Variants in ASPM observed in about 807,000 individuals in gnomAD.
The protein encoded by ASPM is assembly factor for spindle microtubules, also known as abnormal spindle-like microcephaly-associated protein.
A neutral mutation model predicts 366.4 loss-of-function variants in ASPM; 256 were observed. That is an observed-to-expected ratio of 0.70 (90% CI 0.63 to 0.77). The LOEUF is 0.77. Among genes scored for constraint, ASPM ranks in the 30% least tolerant of loss-of-function variants. ASPM has a pLI of 0.00. For missense variants in ASPM, 4,146 were observed against 4,090.4 expected (o/e 1.01, Z -0.37); for synonymous variants, 1,414 against 1,342.9 (o/e 1.05, Z -1.16).
chr1:197,122,979 A>T (rs1366405328), intron 13 of ASPM, among the ~76,000 whole-genome samples: 1 of 152,196 alleles, frequency 6.6e-6, no homozygotes, highest in East Asian at 1.9e-4. Context: ...GAGGAGAAAT[A>T]TAAGGTTAGT....
At chr1:197,117,491 A>G (rs1248189109) in intron 17 of ASPM, among the ~76,000 whole-genome samples, 2 of 152,174 alleles carry the variant, frequency 1.3e-5, no homozygotes, top group African/African-American at 4.8e-5. Flanking sequence ...ATGTGGATCT[A>G]CAAAGTAGAA....
At chr1:197,105,992 TGA>T (rs1657397362) in intron 17 of ASPM, among the ~76,000 whole-genome samples, 1 of 151,958 alleles carries the variant, frequency 6.6e-6, no homozygotes, top group Non-Finnish European at 1.5e-5. Context: ...CAAACATTGC[TGA>T]GATTGGGGGT....
chr1:197,100,391 A>G (rs78320338), intron 18 of ASPM, 40 bp downstream of exon 18: 628 of 1,292,942 alleles, frequency 4.9e-4, no homozygotes, highest in Admixed American at 7.4e-4. Context: ...GGTCAAAAGA[A>G]AGACTCACAG....
At chr1:197,140,466 T>C (rs1658546463) in intron 3 of ASPM, among the ~76,000 whole-genome samples, 1 of 152,246 alleles carries the variant, frequency 6.6e-6, no homozygotes, top group South Asian at 2.1e-4. Flanking sequence ...ATAATCTTTT[T>C]CTCACACAGT....
intron 17 of ASPM, among the ~76,000 whole-genome samples, chr1:197,114,392 C>T (rs1407822506): frequency 6.6e-6 from 1 of 152,070 alleles, no homozygotes; most frequent in Admixed American, 6.6e-5. Flanking sequence ...AAAAATAAGA[C>T]AACAATGAAG....
chr1:197,135,740 C>CA (rs1245355993), intron 4 of ASPM, among the ~76,000 whole-genome samples: 2 of 150,688 alleles, frequency 1.3e-5, no homozygotes, highest in African/African-American at 2.4e-5. Context: ...TGCTTGAGGC[C>CA]AGGGGTTTGT....
intron 17 of ASPM, among the ~76,000 whole-genome samples, chr1:197,117,000 T>C (rs10922168): frequency 0.18 from 26,871 of 152,092 alleles, 3,873 homozygotes; most frequent in East Asian, 0.7. Context: ...TGGTTTTACA[T>C]TGGCATTTAT....
Position 197,143,594 on chromosome 1 carries a change from G to T in ASPM, c.658C>A (p.Pro220Thr). The change falls in exon 3 of 28, where the codon CCC becomes ACC. Residue 220 changes from proline to threonine, a missense_variant. Physicochemically the swap from Pro to Thr is conservative, Grantham distance 38 (BLOSUM62 -1). Transcript: ENST00000367409. ...NSLILEENKI[P>T]ISPISPAFNE... ...AAAGCAGGGCTAATAGGTGATATGG[G>T]TATTTTATTTTCTTCAAGTATTAAA... The T allele has an allele frequency of 1.2e-6, 2 of 1,613,056 alleles. No individual in the cohort carries two copies. Among genetic ancestry groups the T allele is most frequent in the Non-Finnish European group, 1.7e-6 (2 of 1,179,874 alleles).
intron 17 of ASPM, among the ~76,000 whole-genome samples, chr1:197,110,456 T>C (rs1657547942): frequency 6.6e-6 from 1 of 152,070 alleles, no homozygotes; most frequent in Non-Finnish European, 1.5e-5. Context: ...TGAAAAATTA[T>C]AAAACTTTTA....
At chr1:197,134,135 C>T (rs998247831) in intron 5 of ASPM, among the ~76,000 whole-genome samples, 3 of 151,838 alleles carry the variant, frequency 2.0e-5, no homozygotes, top group Non-Finnish European at 4.4e-5. Context: ...CAATTGCTCA[C>T]ACCTGTAATC....
chr1:197,144,138 A>C, intron 1 of ASPM, 38 bp from the exon 2 acceptor site: 1 of 1,456,288 alleles, frequency 6.9e-7, no homozygotes, highest in East Asian at 2.3e-5. Context: ...TTACAATAGT[A>C]ATTACATAAT....
At position 197,133,520 on chromosome 1, in the gene ASPM, T is replaced by A; in HGVS notation, c.2249A>T (p.Glu750Val). The A allele has an allele frequency of 6.2e-7, 1 of 1,614,120 alleles. No individual in the cohort carries two copies. The highest frequency in any genetic ancestry group is 8.5e-7 in the Non-Finnish European group (1 of 1,179,982). ...ISVPRAPTKE[E>V]MSLRAYTARC... ...AGCAGTATAAGCTCTGAGAGACATT[T>A]CCTCTTTTGTAGGTGCTCTAGGAAC... The change falls in exon 6 of 28, where the codon GAA becomes GTA. Residue 750 changes from glutamate (E) to valine (V), a missense_variant. Around this residue, in one of 3 missense-constraint regions of ASPM, gnomAD observed 3,624 missense variants for 3,591.7 expected, o/e 1.01. Transcript: ENST00000367409.
chr1:197,101,972 ATCT>A lies in ASPM; in HGVS notation c.7276_7278del (p.Arg2426del). ...ATAGTAGCTTTTTTGAGGGAAATGA[ATCT>A]TCTCCTCACCAGTAATGATCTAAAC... is the stretch of plus-strand genomic sequence containing the variant. On this transcript the variant is annotated inframe_deletion, in exon 18 of 28. Transcript: ENST00000367409. 6.2e-7 allele frequency: 1 copy of A among 1,612,856 alleles called. No homozygotes were observed. Among genetic ancestry groups the A allele is most frequent in the Non-Finnish European group, 8.5e-7 (1 of 1,179,292 alleles).
intron 18 of ASPM, among the ~76,000 whole-genome samples, chr1:197,098,981 T>G (rs1657069960): frequency 6.6e-6 from 1 of 151,650 alleles, no homozygotes; most frequent in Non-Finnish European, 1.5e-5. Context: ...TCTCAAAACC[T>G]GCTCTTCCCT....
chr1:197,139,380 G>A, intron 4 of ASPM: 1 of 579,736 alleles, frequency 1.7e-6, no homozygotes, highest in Non-Finnish European at 3.1e-6. Flanking sequence ...GGATCACGAG[G>A]TCAGGAGATT....
rs1183920091 is a variant in ASPM, at chr1:197,102,136, C to G, written c.7115G>C (p.Arg2372Thr). 2 of 1,612,784 alleles carry G rather than the reference C, an allele frequency of 1.2e-6. No individual in the cohort carries two copies. Among genetic ancestry groups the G allele is most frequent in the African/African-American group, 2.7e-5 (2 of 74,796 alleles). ...VVIQQQYQAN[R>T]AAKLQRQHYL... ...ATGCTGCCTCTGCAGTTTTGCAGCT[C>G]TATTTGCTTGGTATTGCTGTTGGAT... Residue 2372 changes from arginine to threonine, a missense_variant, in exon 18 of 28, where the codon AGA becomes ACA. By Grantham distance (71) the Arg-to-Thr change is moderately conservative. Transcript: ENST00000367409.
intron 16 of ASPM, among the ~76,000 whole-genome samples, chr1:197,120,668 A>C (rs1657880657): frequency 6.6e-6 from 1 of 152,088 alleles, no homozygotes; most frequent in Non-Finnish European, 1.5e-5. Context: ...TAGCTTGAGG[A>C]CTGGCCAGGG....
In ASPM at chr1:197,133,615, A is replaced by G. The variant is rs4915344; in HGVS notation, c.2174-20T>C. 0.19 allele frequency: 306,406 copies of G among 1,607,116 alleles called. 39,755 individuals are homozygous for G. The highest frequency in any genetic ancestry group is 0.69 in the East Asian group (30,691 of 44,792). On this transcript the variant is annotated intron_variant, in intron 5 of 27. Transcript: ENST00000367409. ...CATTTACTGGGTAAAAACAAAAGAA[A>G]GAATGTTTCTGGTTAAACAATATCT... is the stretch of plus-strand genomic sequence containing the variant.
intron 13 of ASPM, among the ~76,000 whole-genome samples, chr1:197,123,597 T>C (rs1171023828): frequency 6.6e-6 from 1 of 152,192 alleles, no homozygotes; most frequent in Non-Finnish European, 1.5e-5. Context: ...ATACATACTG[T>C]GTATCACTGT....
Sources: gnomAD v4.1 joint callset for allele counts (sites outside exome capture counted in the v4.1 genomes callset) on GRCh38, gnomAD v4.1.1 for gene constraint, gnomAD v4.1.1 regional missense constraint, MANE v1.5 for transcripts, NCBI Gene and HGNC (gene_info 2026-07-23, HGNC 2026-07-21) for gene names.